Variants in GPC5 observed in about 807,000 individuals in gnomAD.
The protein encoded by GPC5 is glypican-5.
A neutral mutation model predicts 53.9 loss-of-function variants in GPC5; 47 were observed. The observed-to-expected ratio is 0.87, with a 90% confidence interval of 0.69 to 1.11. The LOEUF is 1.11. Among genes scored for constraint, GPC5 ranks in the 50% most tolerant of loss-of-function variants. The pLI is 0.00. For missense variants in GPC5, 748 were observed against 713.1 expected, an observed-to-expected ratio of 1.05 and a Z score of -0.56; for synonymous variants, 286 against 263.3, an observed-to-expected ratio of 1.09 and a Z score of -0.84.
chr13:92,759,666 T>C (rs1472476738), intron 7 of GPC5, among the ~76,000 whole-genome samples: 2 of 152,108 alleles, frequency 1.3e-5, no homozygotes, highest in Non-Finnish European at 2.9e-5. Flanking sequence ...CAAATACAGA[T>C]ACTTTTATTT....
chr13:91,567,280 G>A (rs1007791680), intron 2 of GPC5, among the ~76,000 whole-genome samples: 2 of 152,110 alleles, frequency 1.3e-5, no homozygotes, highest in Admixed American at 6.6e-5. Context: ...GTGCCTGTGC[G>A]TATGAGTATG....
At position 91,905,388 on chromosome 13, in the gene GPC5, T is replaced by G. The variant is rs370116838; in HGVS notation, c.1281-2549T>G. On this transcript the variant is annotated intron_variant, in intron 5 of 7. Coordinates refer to ENST00000377067, the MANE Select transcript of GPC5 (RefSeq NM_004466.6). ...TTGGTTTCCTTGTACTATTTGTTAT[T>G]GATGTATACTGCCAAATCCCTAATG... Among the ~76,000 whole-genome samples, 8 of 152,118 alleles carry G rather than the reference T, an allele frequency of 5.3e-5. No homozygotes were observed. The South Asian group carries it at 6.2e-4, about 12-fold the overall frequency.
intron 5 of GPC5, among the ~76,000 whole-genome samples, chr13:91,855,990 A>T (rs1294734132): frequency 1.3e-5 from 2 of 151,558 alleles, no homozygotes; most frequent in African/African-American, 4.8e-5. Flanking sequence ...CAGCTCCAAG[A>T]GGCAACATGC....
chr13:92,503,296 C>T (rs2138937177), intron 7 of GPC5, among the ~76,000 whole-genome samples: 1 of 151,840 alleles, frequency 6.6e-6, no homozygotes, highest in East Asian at 1.9e-4. Context: ...TTTTAACAAT[C>T]CATCAGTCAA....
chr13:92,257,973 A>AT (rs993304779), intron 7 of GPC5, among the ~76,000 whole-genome samples: 1 of 152,180 alleles, frequency 6.6e-6, no homozygotes, highest in East Asian at 1.9e-4. Flanking sequence ...AAAAGGTATA[A>AT]TTTTTTAAAA....
chr13:91,691,692 G>A (rs777139862), intron 2 of GPC5, among the ~76,000 whole-genome samples: 7 of 152,112 alleles, frequency 4.6e-5, no homozygotes, highest in Admixed American at 6.5e-5. Flanking sequence ...ATGATATTGC[G>A]TTGTTATTTA....
intron 6 of GPC5, among the ~76,000 whole-genome samples, chr13:92,019,033 T>C (rs2040733588): frequency 6.6e-6 from 1 of 152,016 alleles, no homozygotes; most frequent in Non-Finnish European, 1.5e-5. Flanking sequence ...CGATATTGTT[T>C]CTACTGAAAG....
intron 6 of GPC5, among the ~76,000 whole-genome samples, chr13:92,063,214 T>A (rs2041138780): frequency 6.6e-6 from 1 of 152,152 alleles, no homozygotes; most frequent in Non-Finnish European, 1.5e-5. Context: ...TATGGGTGAA[T>A]ATCATGAAAC....
chr13:92,278,918 C>G (rs558121853), intron 7 of GPC5, among the ~76,000 whole-genome samples: 136 of 152,120 alleles, frequency 8.9e-4, no homozygotes, highest in Non-Finnish European at 1.5e-3. Flanking sequence ...CTACATTTGA[C>G]TACTGAAACT....
At chr13:91,718,172 G>A (rs1274337095) in intron 3 of GPC5, among the ~76,000 whole-genome samples, 4 of 151,674 alleles carry the variant, frequency 2.6e-5, no homozygotes, top group Non-Finnish European at 4.4e-5. Flanking sequence ...GTGCAGTGGC[G>A]CGATCTCGGC....
intron 7 of GPC5, among the ~76,000 whole-genome samples, chr13:92,757,925 G>A (rs373141024): frequency 1.3e-4 from 19 of 151,522 alleles, no homozygotes; most frequent in East Asian, 7.8e-4. Context: ...TCAGTGTGGC[G>A]ATTCCTCAGG....
chr13:92,283,781 G>A (rs763467090), intron 7 of GPC5, among the ~76,000 whole-genome samples: 2 of 152,204 alleles, frequency 1.3e-5, no homozygotes, highest in Non-Finnish European at 2.9e-5. Flanking sequence ...ATGCCCACAA[G>A]AGAAAGCAGG....
At chr13:92,811,260 C>T (rs983625434) in intron 7 of GPC5, among the ~76,000 whole-genome samples, 5 of 151,754 alleles carry the variant, frequency 3.3e-5, no homozygotes, top group African/African-American at 9.7e-5. Context: ...ATTGTTAGGT[C>T]GTATAGTAAT....
At chr13:91,923,950 A>G (rs1366705168) in intron 6 of GPC5, among the ~76,000 whole-genome samples, 1 of 152,138 alleles carries the variant, frequency 6.6e-6, no homozygotes, top group Non-Finnish European at 1.5e-5. Flanking sequence ...ACTCTCTCCT[A>G]GTAACTTCCC....
chr13:92,770,475 C>T (rs935413866), intron 7 of GPC5, among the ~76,000 whole-genome samples: 6 of 150,764 alleles, frequency 4.0e-5, no homozygotes, highest in African/African-American at 1.5e-4. Context: ...TCATTCACAT[C>T]CATTTAAAGT....
chr13:92,188,763 A>T (rs2042201889), intron 7 of GPC5, among the ~76,000 whole-genome samples: 2 of 152,272 alleles, frequency 1.3e-5, no homozygotes, highest in Non-Finnish European at 2.9e-5. Flanking sequence ...AGGAAAAAGA[A>T]TTGCTTAGTT....
intron 5 of GPC5, among the ~76,000 whole-genome samples, chr13:91,859,824 T>A (rs2039006239): frequency 6.6e-6 from 1 of 152,026 alleles, no homozygotes; most frequent in African/African-American, 2.4e-5. Context: ...CTTTTAAACA[T>A]ATGTATTTTT....
At chr13:91,743,614 A>G (rs920839508) in intron 4 of GPC5, among the ~76,000 whole-genome samples, 1 of 152,188 alleles carries the variant, frequency 6.6e-6, no homozygotes, top group Non-Finnish European at 1.5e-5. Flanking sequence ...ATCCAATGGC[A>G]TGGAATGGAA....
intron 7 of GPC5, among the ~76,000 whole-genome samples, chr13:92,660,260 C>T (rs193267473): frequency 2.6e-4 from 40 of 151,970 alleles, no homozygotes; most frequent in Non-Finnish European, 4.7e-4. Flanking sequence ...TGATAGGATT[C>T]TTTGTATGAA....
Sources: allele counts gnomAD v4.1 joint callset (sites outside exome capture counted in the v4.1 genomes callset), GRCh38; gene constraint gnomAD v4.1.1; transcripts MANE v1.5; gene names NCBI Gene and HGNC (gene_info 2026-07-23, HGNC 2026-07-21).